ELAVL4: variants seen among roughly 807,000 people sequenced by gnomAD.
The protein encoded by ELAVL4 is ELAV-like protein 4.
Under a neutral mutation model 35.6 loss-of-function variants are expected in ELAVL4, and 1 was observed. That is an observed-to-expected ratio of 0.03 (90% confidence interval 0.01 to 0.13). The LOEUF (loss-of-function observed/expected upper bound fraction) is 0.13, where lower values mean the gene tolerates loss of function less well. Ranked by LOEUF, ELAVL4 falls within the 10% of genes least tolerant of loss-of-function variation. ELAVL4 has a pLI of 1.00. For synonymous variants in ELAVL4, 156 were observed against 171.0 expected, an observed-to-expected ratio of 0.91 and a Z score of 0.69; for missense variants, 267 against 464.9, an observed-to-expected ratio of 0.57 and a Z score of 3.91.
chr1:50,060,639 G>A (rs1327774401), intron 1 of ELAVL4, among the ~76,000 whole-genome samples: 1 of 152,150 alleles, frequency 6.6e-6, no homozygotes, highest in Non-Finnish European at 1.5e-5. Flanking sequence ...TCTAACTACT[G>A]CACTGCCACC....
At chr1:50,189,823 AAAGATGTTGAGACTTATC>A (rs1233366911) in intron 3 of ELAVL4, among the ~76,000 whole-genome samples, 1 of 152,238 alleles carries the variant, frequency 6.6e-6, no homozygotes, top group Non-Finnish European at 1.5e-5. Flanking sequence ...TTTTACGAGC[AAAGATGTTGAGACTTATC>A]AAGATCAAAT....
intron 2 of ELAVL4, among the ~76,000 whole-genome samples, chr1:50,147,806 G>A (rs1275640974): frequency 6.6e-6 from 1 of 152,108 alleles, no homozygotes; most frequent in African/African-American, 2.4e-5. Context: ...GTGGCAAAGA[G>A]ATAAGAATTC....
At chr1:50,126,321 G>A (rs934615461) in intron 1 of ELAVL4, among the ~76,000 whole-genome samples, 10 of 152,144 alleles carry the variant, frequency 6.6e-5, no homozygotes, top group Admixed American at 5.2e-4. Flanking sequence ...GGTGTCACAG[G>A]CTTTTAGAGG....
At position 50,145,036 on chromosome 1, in the gene ELAVL4, A is replaced by G. The variant is rs769284873; in HGVS notation, c.89A>G (p.Asn30Ser). ...TSNGPSSNNRNCPSPMQTGAT... is the reference protein window; with the variant it reads ...TSNGPSSNNRSCPSPMQTGAT... The stretch of plus-strand genomic sequence containing the variant: ...AATGGACCCTCCAGCAACAACAGAA[A>G]CTGTCCTTCTCCCATGCAAACAGGG... The change falls in exon 2 of 7, where the codon AAC becomes AGC. Residue 30 changes from asparagine to serine, a missense_variant. By Grantham distance (46) the Asn-to-Ser change is conservative (BLOSUM62 1). Transcript: ENST00000371824. The G allele has an allele frequency of 1.1e-5, 17 of 1,613,858 alleles. No individual in the cohort carries two copies. In the African/African-American group the frequency reaches 1.6e-4, roughly 15 times the overall value.
intron 2 of ELAVL4, among the ~76,000 whole-genome samples, chr1:50,166,379 C>G (rs1677923840): frequency 6.6e-6 from 1 of 152,166 alleles, no homozygotes; most frequent in Non-Finnish European, 1.5e-5. Flanking sequence ...GTTAACAATA[C>G]TTAAATGCTG....
chr1:50,086,198 C>T (rs747657582), intron 1 of ELAVL4, among the ~76,000 whole-genome samples: 1 of 151,772 alleles, frequency 6.6e-6, no homozygotes, highest in African/African-American at 2.4e-5. Flanking sequence ...TTGTTAATTG[C>T]TTTTAAGCTT....
chr1:50,183,015 G>GC (rs1341866103), intron 3 of ELAVL4, among the ~76,000 whole-genome samples: 1 of 151,720 alleles, frequency 6.6e-6, no homozygotes, highest in Non-Finnish European at 1.5e-5. Context: ...CTGCCACCAC[G>GC]CCCGGCTGAT....
rs899955489 is a variant in ELAVL4 at position 50,084,322 on chromosome 1, A to G, written c.18+36140A>G. Among the ~76,000 whole-genome samples the G allele has an allele frequency of 2.0e-5, 3 of 152,186 alleles. No homozygotes were observed. In the South Asian group the frequency reaches 6.2e-4, roughly 32 times the overall value. ...TTCTAATTTTATAGATTTGGTAACT[A>G]AGCTTAGAAAGGTTAAATAATTGTC... On this transcript the variant is annotated intron_variant, in intron 1 of 6. Coordinates refer to the ELAVL4 transcript ENST00000448907.
chr1:50,048,058 G>T (rs1298633187), exon 1 of ELAVL4: 2 of 1,317,944 alleles, frequency 1.5e-6, no homozygotes, highest in African/African-American at 3.1e-5. Context: ...GAGCCGCAGA[G>T]CGAGCTAGAG....
intron 1 of ELAVL4, among the ~76,000 whole-genome samples, chr1:50,127,760 T>C (rs1043803254): frequency 2.0e-5 from 3 of 152,148 alleles, no homozygotes; most frequent in Non-Finnish European, 4.4e-5. Context: ...TTAAGTGACT[T>C]GTCCAAGGTC....
upstream of ELAVL4, among the ~76,000 whole-genome samples, chr1:50,100,436 C>T (rs1462322556): frequency 3.3e-5 from 5 of 152,128 alleles, no homozygotes; most frequent in Admixed American, 6.5e-5. Context: ...TCTTTCCTTT[C>T]CCCCTACCCC....
chr1:50,154,405 C>T (rs1675355366), intron 2 of ELAVL4, among the ~76,000 whole-genome samples: 1 of 152,082 alleles, frequency 6.6e-6, no homozygotes, highest in Non-Finnish European at 1.5e-5. Context: ...TTGCGGATTT[C>T]TAAGTTGAGT....
At chr1:50,171,770 G>T (rs1679044706) in intron 2 of ELAVL4, among the ~76,000 whole-genome samples, 1 of 152,150 alleles carries the variant, frequency 6.6e-6, no homozygotes, top group African/African-American at 2.4e-5. Context: ...CCCTTTCTTG[G>T]GTGTGTTTGG....
At chr1:50,131,127 A>G (rs984080567) in intron 1 of ELAVL4, among the ~76,000 whole-genome samples, 1 of 152,170 alleles carries the variant, frequency 6.6e-6, no homozygotes, top group Non-Finnish European at 1.5e-5. Flanking sequence ...TACATGTATT[A>G]TATCCATTTG....
chr1:50,080,709 A>T (rs1198328108), intron 1 of ELAVL4, among the ~76,000 whole-genome samples: 1 of 152,098 alleles, frequency 6.6e-6, no homozygotes, highest in Non-Finnish European at 1.5e-5. Context: ...CTCATTGCTT[A>T]TGCATCCTTC....
At chr1:50,070,169 G>A (rs1307596593) in intron 1 of ELAVL4, among the ~76,000 whole-genome samples, 4 of 152,176 alleles carry the variant, frequency 2.6e-5, no homozygotes, top group Admixed American at 2.0e-4. Context: ...GATAATGTGG[G>A]ATGTAAATAA....
intron 1 of ELAVL4, among the ~76,000 whole-genome samples, chr1:50,071,315 C>T (rs1012825359): frequency 3.9e-5 from 6 of 152,184 alleles, no homozygotes; most frequent in African/African-American, 1.4e-4. Context: ...TATCTAGTTT[C>T]CTTGTCTCCT....
chr1:50,187,481 T>C (rs542979415), intron 3 of ELAVL4, among the ~76,000 whole-genome samples: 1 of 152,318 alleles, frequency 6.6e-6, no homozygotes, highest in South Asian at 2.1e-4. Context: ...ACTCACCCCA[T>C]AGTCACACAG....
chr1:50,172,762 T>C (rs1679246974), intron 2 of ELAVL4, among the ~76,000 whole-genome samples: 1 of 152,202 alleles, frequency 6.6e-6, no homozygotes, highest in South Asian at 2.1e-4. Context: ...TATCCACATC[T>C]ATAAAATGAT....
Sources: allele counts gnomAD v4.1 joint callset (sites outside exome capture counted in the v4.1 genomes callset), GRCh38; gene constraint gnomAD v4.1.1; transcripts MANE v1.5; gene names NCBI Gene and HGNC (gene_info 2026-07-23, HGNC 2026-07-21).